Variants in LTBP2 observed in about 807,000 individuals in gnomAD.
The protein encoded by LTBP2 is latent transforming growth factor beta binding protein 2, also known as latent-transforming growth factor beta-binding protein 2.
LTBP2 carries 103 observed loss-of-function variants against 210.6 expected under a neutral mutation model. The ratio of observed to expected loss-of-function variants is 0.49; its 90% confidence interval spans 0.42 to 0.58. The LOEUF is 0.58. Among genes scored for constraint, LTBP2 ranks in the 20% least tolerant of loss-of-function variants. The probability of loss-of-function intolerance (pLI) is 0.00; values close to 1 mark genes in which losing one functional copy is unlikely to be tolerated. For missense variants in LTBP2, 2,313 were observed against 2,494.5 expected (o/e 0.93, Z 1.55); for synonymous variants, 1,007 against 1,015.0 (o/e 0.99, Z 0.15).
At chr14:74,509,962 G>C (rs2087048850) in intron 20 of LTBP2, 103 bp from the exon 21 acceptor site, 1 of 1,609,192 alleles carries the variant, frequency 6.2e-7, no homozygotes, top group East Asian at 2.2e-5. Context: ...GGGCAGGGAT[G>C]TGTTGGGTCA....
chr14:74,592,271 C>T (rs749844265), intron 2 of LTBP2, among the ~76,000 whole-genome samples: 23 of 152,150 alleles, frequency 1.5e-4, no homozygotes, highest in Non-Finnish European at 3.2e-4. Context: ...CAGTTCCATG[C>T]GGTGCTGTGG....
At chr14:74,547,141 C>T (rs1313837570) in intron 8 of LTBP2, among the ~76,000 whole-genome samples, 3 of 152,232 alleles carry the variant, frequency 2.0e-5, no homozygotes, top group South Asian at 2.1e-4. Flanking sequence ...CTATAAGTGG[C>T]AGATGTGACA....
intron 12 of LTBP2, 48 bp from the exon 13 acceptor site, chr14:74,527,414 G>A (rs764825048): frequency 6.3e-6 from 10 of 1,591,402 alleles, no homozygotes; most frequent in Non-Finnish European, 8.6e-6. Flanking sequence ...GGGTCTGGCT[G>A]CCTTCTCCCC....
chr14:74,601,761 G>A (rs957679192), intron 2 of LTBP2, among the ~76,000 whole-genome samples: 46 of 152,298 alleles, frequency 3.0e-4, no homozygotes, highest in Admixed American at 2.6e-4. Context: ...GTTATCATAC[G>A]TTATCATAGA....
chr14:74,538,849 A>G, intron 8 of LTBP2, among the ~76,000 whole-genome samples: 1 of 152,262 alleles, frequency 6.6e-6, no homozygotes. Context: ...TTGTGGAGAC[A>G]CACGGGGATT....
In LTBP2 at chr14:74,509,268, G is replaced by A. The variant is rs201501300; in HGVS notation, c.3373C>T (p.Arg1125Trp). ...FSCKDCDGGY[R>W]PSPLGDSCED... is the part of the protein sequence containing the mutation. ...CAGGAGTCACCCAGGGGGCTGGGCC[G>A]GTAGCCCCCATCGCAGTCCTTGCAG... is the stretch of plus-strand genomic sequence containing the variant. Residue 1125 changes from arginine to tryptophan, a missense_variant, in exon 22 of 36, where the codon CGG (arginine) becomes TGG (tryptophan). By Grantham distance (101) the Arg-to-Trp change is moderately radical (BLOSUM62 -3). Transcript: ENST00000261978. The A allele has an allele frequency of 1.1e-4, 185 of 1,613,590 alleles. No homozygotes were observed. Among genetic ancestry groups the A allele is most frequent in the Non-Finnish European group, 1.0e-4 (122 of 1,179,984 alleles).
chr14:74,545,487 G>T (rs1220488924), intron 8 of LTBP2, among the ~76,000 whole-genome samples: 2 of 152,204 alleles, frequency 1.3e-5, no homozygotes, highest in Non-Finnish European at 2.9e-5. Context: ...GGGTTCAGAG[G>T]TGAACTCAAC....
At chr14:74,569,440 C>G (rs753941096) in intron 3 of LTBP2, among the ~76,000 whole-genome samples, 1 of 152,110 alleles carries the variant, frequency 6.6e-6, no homozygotes, top group Non-Finnish European at 1.5e-5. Flanking sequence ...TGGGCAGACA[C>G]TGGGAATGTT....
In LTBP2 at chr14:74,508,019, TAGAC is replaced by T; in HGVS notation, c.3725_3728del (p.Cys1242TyrfsTer62). On this transcript the variant is annotated frameshift_variant, in exon 25 of 36. Transcript: ENST00000261978. LOFTEE classifies it high-confidence loss of function. ...GGGAGGGCTGGAAGCCAGTCTCACA[TAGAC>T]AGTTGAAGGAGCCCTCGGTGTTGAC... 6.2e-7 allele frequency: 1 copy of T among 1,613,920 alleles called. No individual in the cohort carries two copies. The highest frequency in any genetic ancestry group is 8.5e-7 in the Non-Finnish European group (1 of 1,179,992).
intron 2 of LTBP2, among the ~76,000 whole-genome samples, chr14:74,594,259 G>C (rs1287616644): frequency 1.3e-5 from 2 of 152,064 alleles, no homozygotes; most frequent in African/African-American, 4.8e-5. Flanking sequence ...CTCTCTCCTG[G>C]GCCCCAGAGA....
rs190695392 is a variant in LTBP2 at position 74,517,053 on chromosome 14, G to A, written c.2789-112C>T. The A allele has an allele frequency of 5.6e-3, 7,798 of 1,382,280 alleles. 34 individuals are homozygous for A. The highest frequency in any genetic ancestry group is 6.4e-3 in the Non-Finnish European group (6,402 of 1,005,574). 85.6% of individuals were successfully genotyped at this position (1,382,280 alleles called of 1,614,324 possible). A position where few individuals can be genotyped will look rare whatever the true frequency, so the allele number is the denominator to read the frequency against. ...CCAAGGACAAAGGATGCCATGCTGA[G>A]GCCTGGGCAGGGAAGGCATGCTGGC... On this transcript the variant is annotated intron_variant, in intron 17 of 35. Transcript: ENST00000261978.
intron 16 of LTBP2, 96 bp downstream of exon 16, chr14:74,522,694 A>G: frequency 7.0e-7 from 1 of 1,431,008 alleles, no homozygotes; most frequent in Non-Finnish European, 9.4e-7. Flanking sequence ...CACTGCTTGG[A>G]CCTTCTGCTT....
At chr14:74,560,164 T>C (rs2087776297) in intron 3 of LTBP2, 2 of 152,188 alleles carry the variant, frequency 1.3e-5, no homozygotes, top group South Asian at 2.1e-4. Flanking sequence ...GCTAAGACTT[T>C]AAGACAAACA....
At chr14:74,512,238 G>C (rs2087081057) in intron 18 of LTBP2, among the ~76,000 whole-genome samples, 1 of 152,228 alleles carries the variant, frequency 6.6e-6, no homozygotes. Flanking sequence ...CACTGCAGGA[G>C]GACATTATGC....
In LTBP2 at chr14:74,534,469, C is replaced by A. The variant is rs538612108; in HGVS notation, c.1864+1457G>T. ...CATCCTCTTAGTTGGCCAACGTGTA[C>A]TCATTTTTAAAGTCTTGGCCTTAGG... is the stretch of plus-strand genomic sequence containing the variant. On this transcript the variant is annotated intron_variant, in intron 9 of 35. Coordinates refer to ENST00000261978, the MANE Select transcript of LTBP2 (RefSeq NM_000428.3). 5.3e-5 allele frequency among the ~76,000 whole-genome samples: 8 copies of A among 152,270 alleles called. No homozygotes were observed. The South Asian group carries it at 6.2e-4, about 12-fold the overall frequency.
rs751970682 is a variant in LTBP2 at position 74,526,087 on chromosome 14, C to G, written c.2416G>C (p.Ala806Pro). ...QVTTSVTHAPAWVTGNATTPP... is the reference protein window; with the variant it reads ...QVTTSVTHAPPWVTGNATTPP... ...AAGAGGGACTCACCTGTGACCCAGGCAGGTGCATGAGTGACACTGGTCGTG... is the reference window on the plus strand; with the variant it reads ...AAGAGGGACTCACCTGTGACCCAGGGAGGTGCATGAGTGACACTGGTCGTG... Residue 806 changes from alanine to proline, a missense_variant, in exon 14 of 36, where the codon GCC becomes CCC. Ala to Pro is a conservative substitution (Grantham distance 27). Transcript: ENST00000261978. The G allele has an allele frequency of 6.2e-6, 10 of 1,605,882 alleles. No homozygotes were observed. In the South Asian group the frequency reaches 1.1e-4, roughly 18 times the overall value.
rs753034138 is a variant in LTBP2, at chr14:74,504,840, G to C, written c.4391C>G (p.Pro1464Arg). Residue 1464 changes from proline to arginine, a missense_variant, in exon 30 of 36, where the codon CCT becomes CGT. Coordinates refer to ENST00000261978, the MANE Select transcript of LTBP2 (RefSeq NM_000428.3). Reference sequence around the variant, plus strand: ...CACAGGAATGTAGCCTTTTCCACTAGGGCAGATCTCGCTGAATTCAGCTAT... The same window carrying C: ...CACAGGAATGTAGCCTTTTCCACTACGGCAGATCTCGCTGAATTCAGCTAT... ...EDSAEFSEIC[P>R]SGKGYIPVEG... 1 of 1,614,244 alleles carries C rather than the reference G, an allele frequency of 6.2e-7. No individual in the cohort carries two copies. The highest frequency in any genetic ancestry group is 1.1e-5 in the South Asian group (1 of 91,090).
intron 5 of LTBP2, 154 bp from the exon 6 acceptor site, chr14:74,552,547 AT>A (rs1400831456): frequency 1.3e-6 from 1 of 748,774 alleles, no homozygotes; most frequent in Non-Finnish European, 2.3e-6. Context: ...TTTCCACTTC[AT>A]TCATGTAGAG....
chr14:74,516,719 A>G (rs1380491248), intron 18 of LTBP2, 103 bp downstream of exon 18: 1 of 1,462,776 alleles, frequency 6.8e-7, no homozygotes, highest in East Asian at 2.5e-5. Context: ...TCAAGGGGCC[A>G]GGGCAGAGAC....
Sources: gnomAD v4.1 joint callset for allele counts (sites outside exome capture counted in the v4.1 genomes callset) on GRCh38, gnomAD v4.1.1 for gene constraint, MANE v1.5 for transcripts, NCBI Gene and HGNC (gene_info 2026-07-23, HGNC 2026-07-21) for gene names.